The following FBXL18 variants were observed in gnomAD, a reference collection of about 807,000 sequenced individuals.
The protein encoded by FBXL18 is F-box/LRR-repeat protein 18.
A neutral mutation model predicts 46.0 loss-of-function variants in FBXL18; 36 were observed. That is an observed-to-expected ratio of 0.78 (90% CI 0.60 to 1.03). The LOEUF is 1.03. Ranked by LOEUF, FBXL18 falls within the 50% of genes least tolerant of loss-of-function variation. FBXL18 has a pLI of 0.00. For missense variants in FBXL18, 977 were observed against 1,004.1 expected (o/e 0.97, Z 0.36); for synonymous variants, 557 against 465.3 (o/e 1.20, Z -2.54).
chr7:5,488,424 C>T (rs114256435), intron 4 of FBXL18, among the ~76,000 whole-genome samples: 4,824 of 152,296 alleles, frequency 0.032, 100 homozygotes, highest in Middle Eastern at 0.054. Flanking sequence ...GTCATGAGCA[C>T]AGCCGTCCTG....
At chr7:5,470,080 G>A (rs1783404556) in intron 4 of FBXL18, among the ~76,000 whole-genome samples, 1 of 152,262 alleles carries the variant, frequency 6.6e-6, no homozygotes, top group Admixed American at 6.5e-5. Flanking sequence ...CAGTCTGCGG[G>A]CGTGGGTGAG....
rs749853034 is a variant in FBXL18, at chr7:5,493,664, TGTGCGTGC to T, written c.1782-2223_1782-2216del. Among the ~76,000 whole-genome samples, 201 of 108,948 alleles carry T rather than the reference TGTGCGTGC, an allele frequency of 1.8e-3. 1 individual carries two copies. The highest frequency in any genetic ancestry group is 7.2e-3 in the African/African-American group (177 of 24,538). 71.5% of individuals were successfully genotyped at this position (108,948 alleles called of 152,430 possible). A position where few individuals can be genotyped will look rare whatever the true frequency, so the allele number is the denominator to read the frequency against. On this transcript the variant is annotated intron_variant, in intron 3 of 4. Coordinates refer to ENST00000382368, the MANE Select transcript of FBXL18 (RefSeq NM_024963.6). ...GACTGGTTATTTACTTTTGTGTGTG[TGTGCGTGC>T]GTGCGTGCGTGCGTGTGTGTGTGTG...
chr7:5,511,151 T>C (rs555088186), intron 1 of FBXL18, among the ~76,000 whole-genome samples: 3 of 152,164 alleles, frequency 2.0e-5, no homozygotes, highest in African/African-American at 4.8e-5. Context: ...AGATCTGAAA[T>C]CTTGGCTGGG....
rs755022150 is a variant in FBXL18, at chr7:5,513,759, C to A, written c.-85G>T. On this transcript the variant is annotated 5_prime_UTR_variant, in exon 1 of 5. Transcript: ENST00000382368. Reference sequence around the variant, plus strand: ...CGGCTAGGGATGCTCGAAGCCGGCGCGTCCACCGCTCAACCGAGACCCCGG... The same window carrying A: ...CGGCTAGGGATGCTCGAAGCCGGCGAGTCCACCGCTCAACCGAGACCCCGG... 3.9e-6 allele frequency: 6 copies of A among 1,532,304 alleles called. No individual in the cohort carries two copies. The highest frequency in any genetic ancestry group is 1.2e-5 in the South Asian group (1 of 83,094). 94.9% of individuals were successfully genotyped at this position (1,532,304 alleles called of 1,614,324 possible).
rs1783766141 is a variant in FBXL18 at position 5,486,061 on chromosome 7, A to AT, written c.2001-4131_2001-4130insA. ...CCAACAGAGCAAGACTCTGTCTCAAAAAAATAAATAAATAAATAAATAAAT... is the reference window on the plus strand; with the variant it reads ...CCAACAGAGCAAGACTCTGTCTCAAATAAAATAAATAAATAAATAAATAAAT... On this transcript the variant is annotated intron_variant, in intron 4 of 4. Transcript: ENST00000382368. Among the ~76,000 whole-genome samples the AT allele has an allele frequency of 2.2e-4, 20 of 89,132 alleles. 1 individual carries two copies. Among genetic ancestry groups the AT allele is most frequent in the Admixed American group, 1.8e-3 (14 of 7,884 alleles). 58.5% of individuals were successfully genotyped at this position (89,132 alleles called of 152,430 possible).
In FBXL18 at chr7:5,476,667, C is replaced by G. The variant is rs1783522650; in HGVS notation, c.*5108G>C. 3 of 151,848 alleles carry G rather than the reference C, an allele frequency of 2.0e-5. No homozygotes were observed. The highest frequency in any genetic ancestry group is 4.4e-5 in the Non-Finnish European group (3 of 68,084). The allele number at this position is 151,848 out of a possible 1,614,324, so 9.4% of individuals were successfully genotyped here. Reference sequence around the variant, plus strand: ...TATTTTATGTAGCGATACAGTCTCACTATGTTGCCCAGGCTGGTCTCGAAC... The same window carrying G: ...TATTTTATGTAGCGATACAGTCTCAGTATGTTGCCCAGGCTGGTCTCGAAC... On this transcript the variant is annotated 3_prime_UTR_variant, in exon 5 of 5. Coordinates refer to ENST00000382368, the MANE Select transcript of FBXL18 (RefSeq NM_024963.6).
chr7:5,472,618 C>T (rs1783445271), downstream of FBXL18, among the ~76,000 whole-genome samples: 1 of 152,120 alleles, frequency 6.6e-6, no homozygotes, highest in African/African-American at 2.4e-5. Context: ...CACACGAGGC[C>T]ACATGGAGGT....
At chr7:5,493,890 T>C (rs901916997) in intron 3 of FBXL18, among the ~76,000 whole-genome samples, 16 of 152,092 alleles carry the variant, frequency 1.1e-4, no homozygotes, top group African/African-American at 3.9e-4. Context: ...TCCCAGCACC[T>C]TGGGAGGCTG....
intron 4 of FBXL18, among the ~76,000 whole-genome samples, 191 bp from the exon 5 acceptor site, chr7:5,482,122 GGGA>G (rs1783664177): frequency 6.6e-6 from 1 of 152,220 alleles, no homozygotes; most frequent in Admixed American, 6.5e-5. Context: ...GACAGAGCTG[GGGA>G]GGAGCACGGC....
chr7:5,455,344 C>T lies in FBXL18; in HGVS notation c.2001-7501G>A, dbSNP rs566453868. Among the ~76,000 whole-genome samples the T allele has an allele frequency of 1.2e-4, 19 of 152,122 alleles. No homozygotes were observed. The South Asian group carries it at 3.7e-3, about 30-fold the overall frequency. ...TCTCAAGGAGCACTCAGGGCACATACTTGAACATTCTCAGGCCACATACTT... is the reference window on the plus strand; with the variant it reads ...TCTCAAGGAGCACTCAGGGCACATATTTGAACATTCTCAGGCCACATACTT... On this transcript the variant is annotated intron_variant and NMD_transcript_variant, in intron 4 of 6. Coordinates refer to the FBXL18 transcript ENST00000415009. This position sits in a 1 kb window ranked among gnomAD's most constrained non-coding sequence, Gnocchi z 4.6.
In FBXL18 at chr7:5,501,551, CG is replaced by C; in HGVS notation, c.717del (p.Gly240AlafsTer63). ...NLRVFYARLA[P>X]GYINQEVVRL... Reference sequence around the variant, plus strand: ...CGCACCACCTCCTGGTTGATGTAGCCGGGGGCCAGGCGCGCATAGAAGACCC... The same window carrying C: ...CGCACCACCTCCTGGTTGATGTAGCCGGGGCCAGGCGCGCATAGAAGACCC... On this transcript the variant is annotated frameshift_variant, in exon 3 of 5. Coordinates refer to ENST00000382368, the MANE Select transcript of FBXL18 (RefSeq NM_024963.6). LOFTEE classifies it high-confidence loss of function. 1 of 1,613,838 alleles carries C rather than the reference CG, an allele frequency of 6.2e-7. No individual in the cohort carries two copies. The highest frequency in any genetic ancestry group is 8.5e-7 in the Non-Finnish European group (1 of 1,180,004).
At chr7:5,457,322 T>C (rs780030551) in intron 4 of FBXL18, among the ~76,000 whole-genome samples, 1 of 152,184 alleles carries the variant, frequency 6.6e-6, no homozygotes, top group Non-Finnish European at 1.5e-5. Context: ...GGTTCAGTAG[T>C]AGGAATAAAC....
rs1360685008 is a variant in FBXL18 at position 5,461,696 on chromosome 7, T to G, written c.2001-13853A>C. ...TGGCTCATGCCTGTAATCCCAGCAC[T>G]TTGGGAGGCCAAGGCGGGCAGATCA... On this transcript the variant is annotated intron_variant and NMD_transcript_variant, in intron 4 of 6. Coordinates refer to the FBXL18 transcript ENST00000415009. Among the ~76,000 whole-genome samples, 4 of 152,052 alleles carry G rather than the reference T, an allele frequency of 2.6e-5. No homozygotes were observed. In the East Asian group the frequency reaches 5.8e-4, roughly 22 times the overall value.
At chr7:5,463,860 C>T (rs1783302280) in intron 4 of FBXL18, among the ~76,000 whole-genome samples, 1 of 150,546 alleles carries the variant, frequency 6.6e-6, no homozygotes, top group Non-Finnish European at 1.5e-5. Context: ...CCTGCCTCAG[C>T]TTCCTGAGTA....
At position 5,481,923 on chromosome 7, in the gene FBXL18, G is replaced by C. The variant is rs772950988; in HGVS notation, c.2009C>G (p.Ala670Gly). Residue 670 changes from alanine (A) to glycine (G), a missense_variant, in exon 5 of 5, where the codon GCC (alanine) becomes GGC (glycine). By Grantham distance (60) the Ala-to-Gly change is moderately conservative. Coordinates refer to ENST00000382368, the MANE Select transcript of FBXL18 (RefSeq NM_024963.6). ...GACGACGTTTAACGCGGGCCGCTCG[G>C]CCTGGAAGCTGAACCAGAGACAGGC... is the stretch of plus-strand genomic sequence containing the variant. ...LQQSLLRSFQ[A>G]ERPALNVVIF... is the part of the protein sequence containing the mutation. 1.2e-6 allele frequency: 2 copies of C among 1,604,416 alleles called. No homozygotes were observed. Among genetic ancestry groups the C allele is most frequent in the African/African-American group, 2.7e-5 (2 of 74,696 alleles).
downstream of FBXL18, among the ~76,000 whole-genome samples, chr7:5,474,767 G>T (rs1263191853): frequency 6.6e-6 from 1 of 150,610 alleles, no homozygotes; most frequent in Admixed American, 6.6e-5. Context: ...GAGTGCAGTG[G>T]CGCGATCTCG....
intron 4 of FBXL18, among the ~76,000 whole-genome samples, chr7:5,469,299 C>G (rs1783391109): frequency 6.6e-6 from 1 of 152,268 alleles, no homozygotes; most frequent in African/African-American, 2.4e-5. Context: ...GTAATCCCAG[C>G]TACTCGGGAG....
At chr7:5,462,950 C>CAAAAAAAAAAAAAAAAAAAAAA (rs138208570) in intron 4 of FBXL18, among the ~76,000 whole-genome samples, 1 of 22,378 alleles carries the variant, frequency 4.5e-5, no homozygotes, top group African/African-American at 1.3e-4. Flanking sequence ...GACTTGGTCT[C>CAAAAAAAAAAAAAAAAAAAAAA]AAAAAAAAAA....
chr7:5,491,377 G>A lies in FBXL18; in HGVS notation c.1854C>T (p.Arg618=), dbSNP rs886197538. ...QALSQCPSLQ[R]LCLVSRSGTL... Reference sequence around the variant, plus strand: ...TGCCGCTGCGAGAGACCAGGCACAGGCGCTGCAGCGAGGGGCACTGGCTCA... The same window carrying A: ...TGCCGCTGCGAGAGACCAGGCACAGACGCTGCAGCGAGGGGCACTGGCTCA... Residue 618 remains arginine (R), a synonymous_variant, in exon 4 of 5, where the codon CGC becomes CGT. Coordinates refer to ENST00000382368, the MANE Select transcript of FBXL18 (RefSeq NM_024963.6). 1.2e-6 allele frequency: 2 copies of A among 1,608,668 alleles called. No individual in the cohort carries two copies. The highest frequency in any genetic ancestry group is 1.7e-5 in the Admixed American group (1 of 59,130).
Sources: gnomAD v4.1 joint callset for allele counts (sites outside exome capture counted in the v4.1 genomes callset) on GRCh38, gnomAD v4.1.1 for gene constraint, Gnocchi (gnomAD v3.1) non-coding constraint, MANE v1.5 for transcripts, NCBI Gene and HGNC (gene_info 2026-07-23, HGNC 2026-07-21) for gene names.